The following FARS2 variants were observed in gnomAD, a reference collection of about 807,000 sequenced individuals.
FARS2 encodes phenylalanyl-tRNA synthetase 2, mitochondrial.
FARS2 carries 40 observed loss-of-function variants against 46.4 expected under a neutral mutation model. That is an observed-to-expected ratio of 0.86 (90% CI 0.67 to 1.12). The LOEUF is 1.12. FARS2 is among the 50% of genes most tolerant of loss of function. The pLI is 0.00. For synonymous variants in FARS2, 234 were observed against 214.9 expected, an observed-to-expected ratio of 1.09 and a Z score of -0.78; for missense variants, 513 against 567.9, an observed-to-expected ratio of 0.90 and a Z score of 0.98.
At chr6:5,621,382 C>T (rs1775770469) in intron 6 of FARS2, among the ~76,000 whole-genome samples, 2 of 152,152 alleles carry the variant, frequency 1.3e-5, no homozygotes, top group South Asian at 4.1e-4. Flanking sequence ...TGAACCACTA[C>T]ACCTGGCCAA....
chr6:5,655,758 C>G lies in FARS2; in HGVS notation c.1217+42438C>G, dbSNP rs569180876. On this transcript the variant is annotated intron_variant, in intron 6 of 6. Transcript: ENST00000274680. ...TTTGCCATGTAAGGCAATATTTTCT[C>G]AGGTTCCAGAGAATTGGAGGTAGGT... Among the ~76,000 whole-genome samples the G allele has an allele frequency of 1.1e-4, 17 of 152,328 alleles. No homozygotes were observed. The South Asian group carries it at 1.4e-3, about 13-fold the overall frequency.
At chr6:5,578,473 A>AT (rs1017963646) in intron 5 of FARS2, among the ~76,000 whole-genome samples, 13 of 151,862 alleles carry the variant, frequency 8.6e-5, no homozygotes, top group Admixed American at 7.9e-4. Flanking sequence ...TACCTTTTCA[A>AT]TTTTTTTTAA....
intron 5 of FARS2, among the ~76,000 whole-genome samples, chr6:5,553,914 G>T (rs557847926): frequency 6.6e-6 from 1 of 152,248 alleles, no homozygotes; most frequent in African/African-American, 2.4e-5. Context: ...CAGCTGCATC[G>T]TCGTTCAATC....
rs570413300 is a variant in FARS2, at chr6:5,424,249, G to A, written c.773-6792G>A. Among the ~76,000 whole-genome samples the A allele has an allele frequency of 2.6e-5, 4 of 152,284 alleles. No homozygotes were observed. In the South Asian group the frequency reaches 8.3e-4, roughly 32 times the overall value. ...CGCCTGTGGAAAGTATTGAGCTAAT[G>A]TTAGTGCAAAATATTATACAACACC... On this transcript the variant is annotated intron_variant, in intron 3 of 6. Transcript: ENST00000274680.
At chr6:5,721,254 T>G (rs949916722) in intron 6 of FARS2, among the ~76,000 whole-genome samples, 1 of 152,218 alleles carries the variant, frequency 6.6e-6, no homozygotes, top group Non-Finnish European at 1.5e-5. Context: ...ACAACTAGCT[T>G]CTTATACCAG....
chr6:5,709,731 T>TGTG (rs70975923), intron 6 of FARS2, among the ~76,000 whole-genome samples: 68,268 of 132,398 alleles, frequency 0.52, 17,215 homozygotes, highest in Non-Finnish European at 0.58. Flanking sequence ...GGGGTGGGGT[T>TGTG]GTGTGTGTGT....
intron 1 of FARS2, among the ~76,000 whole-genome samples, chr6:5,365,245 G>T (rs1435436649): frequency 2.0e-5 from 3 of 147,568 alleles, no homozygotes; most frequent in Admixed American, 6.8e-5. Context: ...TAAAATAGAA[G>T]TTAAGGGAGG....
intron 5 of FARS2, among the ~76,000 whole-genome samples, chr6:5,576,139 G>A (rs1368926852): frequency 6.6e-6 from 1 of 152,090 alleles, no homozygotes; most frequent in Non-Finnish European, 1.5e-5. Context: ...TTTTCTGTAA[G>A]GTATTTATAA....
intron 5 of FARS2, among the ~76,000 whole-genome samples, chr6:5,563,762 ACAGGGTCC>A (rs1445990156): frequency 6.6e-6 from 1 of 152,172 alleles, no homozygotes; most frequent in Non-Finnish European, 1.5e-5. Flanking sequence ...TATGGAGTAT[ACAGGGTCC>A]AAATACCAAT....
chr6:5,466,787 G>A, intron 4 of FARS2: 1 of 984,858 alleles, frequency 1.0e-6, no homozygotes, highest in Non-Finnish European at 1.2e-6. Flanking sequence ...TGGTGATTCT[G>A]GTGCAGGAAG....
chr6:5,707,714 G>T (rs550285055), intron 6 of FARS2, among the ~76,000 whole-genome samples: 2 of 152,192 alleles, frequency 1.3e-5, no homozygotes, highest in Non-Finnish European at 2.9e-5. Flanking sequence ...AAATCCTGAA[G>T]CCCTACACTG....
At chr6:5,693,867 A>G (rs894737627) in intron 6 of FARS2, among the ~76,000 whole-genome samples, 2 of 152,112 alleles carry the variant, frequency 1.3e-5, no homozygotes, top group African/African-American at 2.4e-5. Flanking sequence ...GCTTCCTTAT[A>G]TGGTAGCAAG....
chr6:5,386,599 A>G (rs1581952110), intron 2 of FARS2, among the ~76,000 whole-genome samples: 1 of 152,156 alleles, frequency 6.6e-6, no homozygotes, highest in Non-Finnish European at 1.5e-5. Flanking sequence ...AATGGCAGGG[A>G]TGATCGATAA....
chr6:5,375,930 T>C (rs1024924525), intron 2 of FARS2, among the ~76,000 whole-genome samples: 6 of 152,122 alleles, frequency 3.9e-5, no homozygotes, highest in Non-Finnish European at 7.4e-5. Flanking sequence ...TGAGAATTCT[T>C]GAACAAGAAA....
chr6:5,717,467 A>G (rs1439885767), intron 6 of FARS2, among the ~76,000 whole-genome samples: 1 of 151,288 alleles, frequency 6.6e-6, no homozygotes, highest in Non-Finnish European at 1.5e-5. Flanking sequence ...GGCCCTGTGC[A>G]GTTTCCCATG....
At chr6:5,473,000 C>T (rs1203478760) in intron 4 of FARS2, among the ~76,000 whole-genome samples, 1 of 151,986 alleles carries the variant, frequency 6.6e-6, no homozygotes, top group African/African-American at 2.4e-5. Flanking sequence ...ATATTCATGG[C>T]CTAAAAGGGT....
chr6:5,661,481 T>C (rs1777850334), intron 6 of FARS2, among the ~76,000 whole-genome samples: 1 of 152,092 alleles, frequency 6.6e-6, no homozygotes, highest in Non-Finnish European at 1.5e-5. Flanking sequence ...ACTAGGGCCC[T>C]TGGTGGCCAG....
rs139929623 is a variant in FARS2 at position 5,326,263 on chromosome 6, A to G, written c.-21-42287A>G. 4.8e-3 allele frequency among the ~76,000 whole-genome samples: 734 copies of G among 152,314 alleles called. 6 individuals are homozygous for G. Among genetic ancestry groups the G allele is most frequent in the Non-Finnish European group, 6.7e-3 (458 of 68,024 alleles). On this transcript the variant is annotated intron_variant, in intron 1 of 6. Coordinates refer to ENST00000274680, the MANE Select transcript of FARS2 (RefSeq NM_006567.5). Reference sequence around the variant, plus strand: ...AACTCACTGGATTTAGGGCTTATTCATAGCCCCAGAGCAAGCTCAAGGTAC... The same window carrying G: ...AACTCACTGGATTTAGGGCTTATTCGTAGCCCCAGAGCAAGCTCAAGGTAC...
chr6:5,348,735 CATATT>C (rs67839161), intron 1 of FARS2, among the ~76,000 whole-genome samples: 29,213 of 151,096 alleles, frequency 0.19, 3,258 homozygotes, highest in East Asian at 0.48. Flanking sequence ...GAAGAAAAAT[CATATT>C]ATATCAATTG....
Sources: gnomAD v4.1 joint callset for allele counts (sites outside exome capture counted in the v4.1 genomes callset) on GRCh38, gnomAD v4.1.1 for gene constraint, MANE v1.5 for transcripts, NCBI Gene and HGNC (gene_info 2026-07-23, HGNC 2026-07-21) for gene names.